Variants in HOGA1 observed in about 807,000 individuals in gnomAD.
HOGA1 encodes the protein 4-hydroxy-2-oxoglutarate aldolase, mitochondrial.
In HOGA1, 30 loss-of-function variants were observed where a neutral mutation model predicts 34.3. The ratio of observed to expected loss-of-function variants is 0.87; its 90% CI spans 0.65 to 1.19. The LOEUF is 1.19. Among genes scored for constraint, HOGA1 ranks in the 50% most tolerant of loss-of-function variants. The pLI, the probability that HOGA1 is intolerant of heterozygous loss-of-function variation, is 0.00. For synonymous variants in HOGA1, 161 were observed against 174.0 expected, an observed-to-expected ratio of 0.93 and a Z score of 0.59; for missense variants, 417 against 436.5, an observed-to-expected ratio of 0.96 and a Z score of 0.40.
At chr10:97,604,057 A>T (rs2041140194) in intron 6 of HOGA1, among the ~76,000 whole-genome samples, 2 of 152,196 alleles carry the variant, frequency 1.3e-5, no homozygotes, top group Middle Eastern at 3.2e-3. Context: ...CCCTCATGTC[A>T]TCCTCTTATA....
At position 97,611,616 on chromosome 10, in the gene HOGA1, A is replaced by C. The variant is rs2041196687; in HGVS notation, c.941A>C (p.Glu314Ala). 6.2e-7 allele frequency: 1 copy of C among 1,614,110 alleles called. No individual in the cohort carries two copies. The highest frequency in any genetic ancestry group is 8.5e-7 in the Non-Finnish European group (1 of 1,180,010). The change falls in exon 7 of 7, where the codon GAG (glutamate) becomes GCG (alanine). Residue 314 changes from glutamate to alanine, a missense_variant. Glu to Ala is a moderately radical substitution (Grantham distance 107). Coordinates refer to ENST00000370646, the MANE Select transcript of HOGA1 (RefSeq NM_138413.4). ...TTGCAGGAGCTGAGCCCCGCTGAGG[A>C]GGAGGCACTGCGCATGGATTTCACC... The part of the protein sequence containing the change: ...APLQELSPAE[E>A]EALRMDFTSN...
intron 6 of HOGA1, among the ~76,000 whole-genome samples, chr10:97,604,857 C>G (rs1319995670): frequency 6.6e-6 from 1 of 152,130 alleles, no homozygotes; most frequent in Non-Finnish European, 1.5e-5. Flanking sequence ...TGGTGCACAT[C>G]TGTAATCCCA....
intron 6 of HOGA1, among the ~76,000 whole-genome samples, chr10:97,609,472 T>G (rs1270300647): frequency 6.6e-6 from 1 of 152,150 alleles, no homozygotes; most frequent in Non-Finnish European, 1.5e-5. Context: ...CTTCATTCTG[T>G]GTCCTCTCCT....
At chr10:97,588,253 A>G (rs1033142757) in intron 1 of HOGA1, among the ~76,000 whole-genome samples, 1 of 139,042 alleles carries the variant, frequency 7.2e-6, no homozygotes, top group African/African-American at 2.7e-5. Context: ...GCTGCAGTGC[A>G]GTGGCACGAT....
chr10:97,608,024 C>G (rs760880900), intron 6 of HOGA1, among the ~76,000 whole-genome samples: 5 of 152,274 alleles, frequency 3.3e-5, no homozygotes, highest in Middle Eastern at 3.4e-3. Flanking sequence ...GCTAAAAAGA[C>G]ACCAGCAGGG....
chr10:97,585,288 A>G (rs1242555452), intron 1 of HOGA1, among the ~76,000 whole-genome samples: 2 of 152,138 alleles, frequency 1.3e-5, no homozygotes, highest in African/African-American at 4.8e-5. Flanking sequence ...CAGCCCAGCC[A>G]CAGTCCCAGT....
At chr10:97,590,515 TCACCATGGC>T in intron 1 of HOGA1, 1 of 1,612,546 alleles carries the variant, frequency 6.2e-7, no homozygotes, top group Non-Finnish European at 8.5e-7. Context: ...GTCACCACAG[TCACCATGGC>T]CACCCAAGCC....
intron 6 of HOGA1, 46 bp downstream of exon 6, chr10:97,602,036 T>C (rs1470195484): frequency 4.4e-6 from 7 of 1,580,544 alleles, no homozygotes; most frequent in African/African-American, 1.3e-5. Context: ...GGGTGGGCAG[T>C]CTGTGTCCTC....
intron 6 of HOGA1, among the ~76,000 whole-genome samples, chr10:97,606,567 G>A (rs1217781057): frequency 2.6e-5 from 4 of 152,044 alleles, no homozygotes; most frequent in Non-Finnish European, 5.9e-5. Flanking sequence ...GGGCATATTT[G>A]TGTGGGTCTA....
At chr10:97,598,059 A>G (rs2041084540) in intron 1 of HOGA1, among the ~76,000 whole-genome samples, 2 of 152,266 alleles carry the variant, frequency 1.3e-5, no homozygotes, top group Non-Finnish European at 1.5e-5. Context: ...AGACATATGC[A>G]CAGAAGACTT....
chr10:97,586,357 T>C (rs1248100299), intron 1 of HOGA1, among the ~76,000 whole-genome samples: 1 of 152,212 alleles, frequency 6.6e-6, no homozygotes, highest in Non-Finnish European at 1.5e-5. Flanking sequence ...ACAGTGTGAT[T>C]GGCATTGCAG....
intron 1 of HOGA1, chr10:97,590,720 C>T (rs924410684): frequency 1.5e-5 from 11 of 717,548 alleles, no homozygotes; most frequent in Non-Finnish European, 2.3e-5. Flanking sequence ...CTTTCTTAGG[C>T]TCCTCACGGG....
In HOGA1 at chr10:97,584,576, T is replaced by C; in HGVS notation, c.-128T>C. On this transcript the variant is annotated 5_prime_UTR_variant, in exon 1 of 7. Coordinates refer to ENST00000370646, the MANE Select transcript of HOGA1 (RefSeq NM_138413.4). ...AACACCCAGCTCAGGCCTGCCCCAG[T>C]GGCCACAAGTCAGGGAGGCCGCAAA... 1 of 821,620 alleles carries C rather than the reference T, an allele frequency of 1.2e-6. No individual in the cohort carries two copies. The highest frequency in any genetic ancestry group is 2.0e-6 in the Non-Finnish European group (1 of 509,020). 50.9% of individuals were successfully genotyped at this position (821,620 alleles called of 1,614,324 possible). A position where few individuals can be genotyped will look rare whatever the true frequency, so the allele number is the denominator to read the frequency against.
rs11817730 is a variant in HOGA1, at chr10:97,598,754, A to G, written c.212-21A>G. 0.19 allele frequency: 314,381 copies of G among 1,613,546 alleles called. 31,362 individuals carry two copies. Among genetic ancestry groups the G allele is most frequent in the African/African-American group, 0.2 (15,181 of 75,002 alleles). ...GTTCGGTAGAGGATGGGAAGGAGTT[A>G]GTCAGCTGTGTCTCTTGCAGGCTTC... is the stretch of plus-strand genomic sequence containing the variant. On this transcript the variant is annotated intron_variant, in intron 1 of 6. Transcript: ENST00000370646.
chr10:97,598,890 C>G lies in HOGA1; in HGVS notation c.327C>G (p.Gly109=), dbSNP rs2041092705. 1 of 1,614,052 alleles carries G rather than the reference C, an allele frequency of 6.2e-7. No individual in the cohort carries two copies. Among genetic ancestry groups the G allele is most frequent in the Non-Finnish European group, 8.5e-7 (1 of 1,180,034 alleles). The part of the protein sequence containing the change: ...AMPKNRLLLA[G]SGCESTQATV... ...CCAAGAACAGGCTCCTGCTAGCTGG[C>G]TCCGGATGCGAGTGTGAGCCAGAAT... is the stretch of plus-strand genomic sequence containing the variant. The change falls in exon 2 of 7, where the codon GGC becomes GGG. Residue 109 remains glycine (G), a synonymous_variant. Coordinates refer to ENST00000370646, the MANE Select transcript of HOGA1 (RefSeq NM_138413.4).
intron 1 of HOGA1, chr10:97,590,257 T>C (rs757729928): frequency 6.2e-7 from 1 of 1,613,890 alleles, no homozygotes. Flanking sequence ...CATCCACTGA[T>C]GAGGCCACGT....
intron 2 of HOGA1, 27 bp from the exon 3 acceptor site, chr10:97,599,062 C>T (rs1232694285): frequency 6.2e-7 from 1 of 1,611,102 alleles, no homozygotes; most frequent in Admixed American, 1.7e-5. Context: ...CTTCTGCCTG[C>T]TCTCACCTCT....
chr10:97,590,488 C>T (rs766710027), intron 1 of HOGA1: 2 of 1,613,448 alleles, frequency 1.2e-6, no homozygotes, highest in South Asian at 1.1e-5. Context: ...ATCACACACA[C>T]ACCTTCTATG....
intron 4 of HOGA1, 58 bp downstream of exon 4, chr10:97,599,872 T>C: frequency 6.2e-7 from 1 of 1,612,758 alleles, no homozygotes; most frequent in Non-Finnish European, 8.5e-7. Flanking sequence ...GTCCTAGCAC[T>C]TTTGCTCCTG....
Sources: allele counts gnomAD v4.1 joint callset (sites outside exome capture counted in the v4.1 genomes callset), GRCh38; gene constraint gnomAD v4.1.1; transcripts MANE v1.5; gene names NCBI Gene and HGNC (gene_info 2026-07-23, HGNC 2026-07-21).